Variants in SPATA6 observed in about 807,000 individuals in gnomAD.
SPATA6 encodes the protein spermatogenesis-associated protein 6.
Under a neutral mutation model 65.3 loss-of-function variants are expected in SPATA6, and 56 were observed. The observed-to-expected ratio is 0.86, with a 90% CI of 0.69 to 1.07. The LOEUF (loss-of-function observed/expected upper bound fraction) is 1.07. Among genes scored for constraint, SPATA6 ranks in the 50% least tolerant of loss-of-function variants. SPATA6 has a pLI of 0.00. For missense variants in SPATA6, 590 were observed against 594.8 expected (o/e 0.99, Z 0.08); for synonymous variants, 199 against 213.2 (o/e 0.93, Z 0.58).
At chr1:48,271,175 C>G in the SPATA6 span, among the ~76,000 whole-genome samples, 1 of 152,128 alleles carries the variant, frequency 6.6e-6, no homozygotes, top group African/African-American at 2.4e-5. Flanking sequence ...CAATTGCTAC[C>G]TCGATCCACT....
At chr1:48,323,563 A>G (rs1046871121) in intron 11 of SPATA6, among the ~76,000 whole-genome samples, 7 of 152,010 alleles carry the variant, frequency 4.6e-5, no homozygotes, top group Admixed American at 4.6e-4. Context: ...AACTTAAAGT[A>G]TAATAAAAAA....
At position 48,355,667 on chromosome 1, in the gene SPATA6, A is replaced by G; in HGVS notation, c.1194+3T>C. The G allele has an allele frequency of 6.3e-7, 1 of 1,599,806 alleles. No individual in the cohort carries two copies. The highest frequency in any genetic ancestry group is 8.5e-7 in the Non-Finnish European group (1 of 1,172,250). On this transcript the variant is annotated splice_donor_region_variant and intron_variant, in intron 11 of 12. Coordinates refer to ENST00000371847, the MANE Select transcript of SPATA6 (RefSeq NM_019073.4). The stretch of plus-strand genomic sequence containing the variant: ...TCTTCAAAAAAAAATTTTAGAAACT[A>G]ACATATAAATGTCTTTGATGAGCCT...
In SPATA6 at chr1:48,355,664, A is replaced by G. The variant is rs1646637912; in HGVS notation, c.1194+6T>C. On this transcript the variant is annotated splice_donor_region_variant and intron_variant, in intron 11 of 12. Transcript: ENST00000371847. ...TAGTCTTCAAAAAAAAATTTTAGAAACTAACATATAAATGTCTTTGATGAG... is the reference window on the plus strand; with the variant it reads ...TAGTCTTCAAAAAAAAATTTTAGAAGCTAACATATAAATGTCTTTGATGAG... 6.3e-7 allele frequency: 1 copy of G among 1,598,150 alleles called. No homozygotes were observed. The highest frequency in any genetic ancestry group is 2.2e-5 in the East Asian group (1 of 44,558).
intron 11 of SPATA6, among the ~76,000 whole-genome samples, chr1:48,340,596 TA>T (rs1194558461): frequency 2.7e-5 from 4 of 150,434 alleles, no homozygotes; most frequent in Admixed American, 6.6e-5. Context: ...AAGTTAGAAA[TA>T]AAAAAAGAAC....
At chr1:48,333,661 A>C (rs527760297) in intron 11 of SPATA6, among the ~76,000 whole-genome samples, 1 of 152,278 alleles carries the variant, frequency 6.6e-6, no homozygotes, top group South Asian at 2.1e-4. Flanking sequence ...TAAGAGGGAA[A>C]TTTATAGCAT....
At chr1:48,454,090 C>T (rs935695087) in intron 1 of SPATA6, among the ~76,000 whole-genome samples, 1 of 150,196 alleles carries the variant, frequency 6.7e-6, no homozygotes, top group African/African-American at 2.5e-5. Context: ...TTAAATTGCA[C>T]TTAACTATCC....
At chr1:48,465,596 C>T (rs556972493) in intron 1 of SPATA6, among the ~76,000 whole-genome samples, 15 of 152,218 alleles carry the variant, frequency 9.9e-5, no homozygotes, top group Admixed American at 7.8e-4. Flanking sequence ...TACAGAAATA[C>T]TTTATAAGAA....
intron 3 of SPATA6, among the ~76,000 whole-genome samples, chr1:48,420,156 G>C (rs1411724066): frequency 6.6e-6 from 1 of 152,088 alleles, no homozygotes; most frequent in Non-Finnish European, 1.5e-5. Context: ...TGATGCCTCT[G>C]TAAAAACCCA....
intron 3 of SPATA6, among the ~76,000 whole-genome samples, chr1:48,438,311 C>T (rs1270305106): frequency 6.6e-6 from 1 of 152,118 alleles, no homozygotes; most frequent in Non-Finnish European, 1.5e-5. Flanking sequence ...CCATCGGACC[C>T]CTTTTGCTTA....
chr1:48,319,322 C>A (rs926650729), intron 11 of SPATA6, among the ~76,000 whole-genome samples: 2 of 152,052 alleles, frequency 1.3e-5, no homozygotes, highest in African/African-American at 4.8e-5. Flanking sequence ...AGGTGGAAGA[C>A]AAACCACAAA....
intron 3 of SPATA6, among the ~76,000 whole-genome samples, chr1:48,419,377 A>G (rs1017536004): frequency 1.3e-5 from 2 of 152,250 alleles, no homozygotes; most frequent in Admixed American, 6.5e-5. Context: ...AATGAGGAGT[A>G]GAATAAAGAA....
At chr1:48,435,265 C>T (rs569791893) in intron 3 of SPATA6, among the ~76,000 whole-genome samples, 2 of 152,296 alleles carry the variant, frequency 1.3e-5, no homozygotes, top group South Asian at 4.1e-4. Flanking sequence ...TTGTGTCTAA[C>T]TAAAGGATTG....
At chr1:48,393,539 C>A (rs1485086905) in intron 8 of SPATA6, among the ~76,000 whole-genome samples, 3 of 152,112 alleles carry the variant, frequency 2.0e-5, no homozygotes, top group Non-Finnish European at 4.4e-5. Flanking sequence ...CTGGCAAAAT[C>A]TGATTTAGCT....
chr1:48,288,093 A>G, the SPATA6 span, among the ~76,000 whole-genome samples: 3 of 152,156 alleles, frequency 2.0e-5, no homozygotes, highest in Admixed American at 6.6e-5. Context: ...CTGTTAATGT[A>G]TCTCACATTG....
At chr1:48,318,476 A>G (rs778939808) in intron 11 of SPATA6, among the ~76,000 whole-genome samples, 14 of 152,214 alleles carry the variant, frequency 9.2e-5, no homozygotes, top group Non-Finnish European at 1.9e-4. Context: ...CCTAAACACT[A>G]TCAATAAACA....
At chr1:48,436,507 A>C in intron 3 of SPATA6, 1 of 1,611,680 alleles carries the variant, frequency 6.2e-7, no homozygotes. Context: ...AAATGGCTGT[A>C]TTCACAGGAG....
the SPATA6 span, among the ~76,000 whole-genome samples, chr1:48,271,845 G>C: frequency 2.0e-5 from 3 of 152,048 alleles, no homozygotes; most frequent in Non-Finnish European, 4.4e-5. Flanking sequence ...TTCCCTAGAA[G>C]AGCCTACACA....
intron 11 of SPATA6, among the ~76,000 whole-genome samples, chr1:48,313,692 C>A (rs901261592): frequency 2.6e-5 from 4 of 151,996 alleles, no homozygotes; most frequent in Non-Finnish European, 5.9e-5. Context: ...TCACACATAA[C>A]CATATTAACA....
At chr1:48,390,375 G>A (rs961244484) in intron 8 of SPATA6, among the ~76,000 whole-genome samples, 9 of 152,144 alleles carry the variant, frequency 5.9e-5, no homozygotes, top group Admixed American at 3.3e-4. Flanking sequence ...TTCTCTCATA[G>A]AAAGTAGAAT....
Sources: allele counts gnomAD v4.1 joint callset (sites outside exome capture counted in the v4.1 genomes callset), GRCh38; gene constraint gnomAD v4.1.1; transcripts MANE v1.5; gene names NCBI Gene and HGNC (gene_info 2026-07-23, HGNC 2026-07-21).